Variants in PPM1L observed in about 807,000 individuals in gnomAD.
PPM1L encodes the protein protein phosphatase 1L.
A neutral mutation model predicts 31.4 loss-of-function variants in PPM1L; 13 were observed. The observed-to-expected ratio is 0.41, with a 90% CI of 0.27 to 0.66. The LOEUF (loss-of-function observed/expected upper bound fraction) is 0.66. PPM1L is among the 30% of genes least tolerant of loss of function. The pLI is 0.29. For synonymous variants in PPM1L, 184 were observed against 175.4 expected (o/e 1.05, Z -0.39); for missense variants, 326 against 453.7 (o/e 0.72, Z 2.56).
At chr3:160,822,806 G>A (rs958002000) in intron 1 of PPM1L, among the ~76,000 whole-genome samples, 2 of 152,060 alleles carry the variant, frequency 1.3e-5, no homozygotes, top group East Asian at 3.9e-4. Flanking sequence ...AAATAGTGGA[G>A]TATCTATTAT....
chr3:160,987,511 T>TG (rs1717002239), intron 2 of PPM1L, among the ~76,000 whole-genome samples: 1 of 152,238 alleles, frequency 6.6e-6, no homozygotes, highest in Non-Finnish European at 1.5e-5. Context: ...CAGAGGCCAA[T>TG]TTAGCATCAG....
intron 1 of PPM1L, among the ~76,000 whole-genome samples, chr3:160,934,133 G>A (rs561842931): frequency 1.3e-5 from 2 of 152,292 alleles, no homozygotes; most frequent in African/African-American, 4.8e-5. Flanking sequence ...TTAAAAAGTG[G>A]CAACCATTAA....
chr3:160,866,405 C>A (rs1054872148), intron 1 of PPM1L, among the ~76,000 whole-genome samples: 2 of 152,184 alleles, frequency 1.3e-5, no homozygotes, highest in African/African-American at 4.8e-5. Flanking sequence ...TTTACAATTT[C>A]ATTCTGCTTT....
At chr3:161,046,680 A>G (rs1446584668) in intron 2 of PPM1L, among the ~76,000 whole-genome samples, 1 of 152,232 alleles carries the variant, frequency 6.6e-6, no homozygotes, top group African/African-American at 2.4e-5. Context: ...CATCAATGCA[A>G]AAATCCTCAG....
At chr3:160,979,897 A>G (rs754912346) in intron 2 of PPM1L, among the ~76,000 whole-genome samples, 1 of 152,024 alleles carries the variant, frequency 6.6e-6, no homozygotes, top group Non-Finnish European at 1.5e-5. Context: ...ATAAGTCGAC[A>G]AAGGAACTCA....
chr3:161,063,262 T>A (rs1439164218), intron 2 of PPM1L, among the ~76,000 whole-genome samples: 1 of 152,204 alleles, frequency 6.6e-6, no homozygotes, highest in Non-Finnish European at 1.5e-5. Context: ...TTGTGTGGAT[T>A]GTGCTTTTGC....
At chr3:160,945,757 C>T (rs1183704108) in intron 1 of PPM1L, among the ~76,000 whole-genome samples, 1 of 152,218 alleles carries the variant, frequency 6.6e-6, no homozygotes, top group Middle Eastern at 3.4e-3. Flanking sequence ...GACAGCAAGA[C>T]CAACTCCTCC....
At chr3:160,786,187 G>GTGTGTATATA (rs1302285733) in intron 1 of PPM1L, among the ~76,000 whole-genome samples, 1 of 39,448 alleles carries the variant, frequency 2.5e-5, no homozygotes, top group African/African-American at 1.9e-4. Flanking sequence ...GTGTGTGTGT[G>GTGTGTATATA]TATATATATA....
intron 2 of PPM1L, among the ~76,000 whole-genome samples, chr3:161,023,422 A>T (rs984798398): frequency 1.3e-5 from 2 of 152,126 alleles, no homozygotes; most frequent in East Asian, 1.9e-4. Context: ...AAAATTTTTT[A>T]AAATTCTTTT....
chr3:160,879,247 C>T (rs1268009354), intron 1 of PPM1L, among the ~76,000 whole-genome samples: 1 of 152,014 alleles, frequency 6.6e-6, no homozygotes, highest in Non-Finnish European at 1.5e-5. Flanking sequence ...AGTCACCAAG[C>T]ATTTGGGGGA....
chr3:160,840,960 C>T (rs1713860861), intron 1 of PPM1L, among the ~76,000 whole-genome samples: 2 of 152,298 alleles, frequency 1.3e-5, no homozygotes, highest in South Asian at 2.1e-4. Flanking sequence ...CTTCTGGAAA[C>T]ACTTTCACAG....
chr3:160,881,684 T>A (rs1712722481), intron 1 of PPM1L, among the ~76,000 whole-genome samples: 1 of 152,212 alleles, frequency 6.6e-6, no homozygotes, highest in African/African-American at 2.4e-5. Context: ...GATAGGGTTT[T>A]TATGACATTG....
At chr3:160,977,336 G>T (rs2108030643) in intron 2 of PPM1L, among the ~76,000 whole-genome samples, 1 of 152,284 alleles carries the variant, frequency 6.6e-6, no homozygotes, top group Non-Finnish European at 1.5e-5. Flanking sequence ...TGTAGAAATT[G>T]CTAGGACATA....
At chr3:160,817,963 A>G (rs1027143296) in intron 1 of PPM1L, among the ~76,000 whole-genome samples, 2 of 152,150 alleles carry the variant, frequency 1.3e-5, no homozygotes, top group African/African-American at 2.4e-5. Context: ...GGTTAAAACC[A>G]TGGAATACAG....
intron 1 of PPM1L, among the ~76,000 whole-genome samples, chr3:160,763,200 C>T (rs1197485672): frequency 6.6e-6 from 1 of 152,224 alleles, no homozygotes; most frequent in Non-Finnish European, 1.5e-5. Context: ...AGCCTGCTTG[C>T]TCCCTTTGCA....
chr3:160,953,070 C>T (rs1407070110), intron 1 of PPM1L, among the ~76,000 whole-genome samples: 3 of 152,130 alleles, frequency 2.0e-5, no homozygotes, highest in South Asian at 2.1e-4. Flanking sequence ...CCCTTTTCTT[C>T]TTAAGATGCA....
At chr3:160,998,142 C>G (rs1717381593) in intron 2 of PPM1L, among the ~76,000 whole-genome samples, 1 of 152,122 alleles carries the variant, frequency 6.6e-6, no homozygotes, top group Admixed American at 6.6e-5. Context: ...GGAAAAATTT[C>G]TCTCTTGGAA....
Position 160,990,449 on chromosome 3 carries a change from T to A in PPM1L, c.574+28539T>A, listed in dbSNP as rs116284821. ...ACAAAGGGAAAATAATATATAATTA[T>A]ATGTATTTCAATATGTAAATATTCA... On this transcript the variant is annotated intron_variant, in intron 2 of 3. Transcript: ENST00000498165. Among the ~76,000 whole-genome samples the A allele has an allele frequency of 4.7e-3, 723 of 152,350 alleles. 7 individuals are homozygous for A. Among genetic ancestry groups the A allele is most frequent in the African/African-American group, 0.017 (690 of 41,584 alleles).
At chr3:161,046,830 A>G (rs1211580018) in intron 2 of PPM1L, among the ~76,000 whole-genome samples, 2 of 152,160 alleles carry the variant, frequency 1.3e-5, no homozygotes, top group Admixed American at 6.5e-5. Context: ...CAGAACCAAA[A>G]ACAAAAACCA....
Sources: gnomAD v4.1 joint callset for allele counts (sites outside exome capture counted in the v4.1 genomes callset) on GRCh38, gnomAD v4.1.1 for gene constraint, MANE v1.5 for transcripts, NCBI Gene and HGNC (gene_info 2026-07-23, HGNC 2026-07-21) for gene names.